Variants in LHFPL3 observed in about 807,000 individuals in gnomAD.
LHFPL3 encodes the protein LHFPL tetraspan subfamily member 3.
In LHFPL3, 5 loss-of-function variants were observed where a neutral mutation model predicts 19.3. That is an observed-to-expected ratio of 0.26 (90% CI 0.14 to 0.54). LHFPL3 has a LOEUF of 0.54. Among genes scored for constraint, LHFPL3 ranks in the 20% least tolerant of loss-of-function variants. The pLI is 0.94. For missense variants in LHFPL3, 249 were observed against 307.4 expected (o/e 0.81, Z 1.42); for synonymous variants, 133 against 126.2 (o/e 1.05, Z -0.36).
At chr7:104,529,315 C>A (rs1794247714) in intron 1 of LHFPL3, among the ~76,000 whole-genome samples, 1 of 152,194 alleles carries the variant, frequency 6.6e-6, no homozygotes, top group Non-Finnish European at 1.5e-5. Context: ...GCCCTGTATC[C>A]TCAGCTTCAT....
At chr7:104,538,415 G>A (rs984777193) in intron 1 of LHFPL3, among the ~76,000 whole-genome samples, 1 of 152,192 alleles carries the variant, frequency 6.6e-6, no homozygotes, top group Non-Finnish European at 1.5e-5. Context: ...GAGGTCTTAT[G>A]GGGCCATGAA....
chr7:104,704,990 C>T (rs994763985), intron 1 of LHFPL3, among the ~76,000 whole-genome samples: 13 of 152,194 alleles, frequency 8.5e-5, no homozygotes, highest in African/African-American at 3.1e-4. Flanking sequence ...TAATGTCCTA[C>T]TTCTTCTCCT....
At chr7:104,452,279 T>C (rs1048311348) in intron 1 of LHFPL3, among the ~76,000 whole-genome samples, 3 of 152,222 alleles carry the variant, frequency 2.0e-5, no homozygotes, top group Admixed American at 1.3e-4. Context: ...AAAATATCTG[T>C]ACTGTATATG....
chr7:104,526,895 C>G (rs1385240723), intron 1 of LHFPL3, among the ~76,000 whole-genome samples: 2 of 152,180 alleles, frequency 1.3e-5, no homozygotes, highest in Non-Finnish European at 2.9e-5. Flanking sequence ...GGTGCATACA[C>G]TCTAGTGGGG....
intron 2 of LHFPL3, among the ~76,000 whole-genome samples, chr7:104,869,611 G>A (rs1791793585): frequency 6.6e-6 from 1 of 152,040 alleles, no homozygotes; most frequent in Non-Finnish European, 1.5e-5. Context: ...GAGAGGATGT[G>A]GAGAAATAGG....
chr7:104,778,995 A>G (rs1251622237), intron 2 of LHFPL3, among the ~76,000 whole-genome samples: 2 of 152,128 alleles, frequency 1.3e-5, no homozygotes, highest in Non-Finnish European at 2.9e-5. Flanking sequence ...ACTCTTTAGG[A>G]TCTCATCGTT....
chr7:104,653,080 T>C (rs1792060521), intron 1 of LHFPL3, among the ~76,000 whole-genome samples: 1 of 152,102 alleles, frequency 6.6e-6, no homozygotes, highest in African/African-American at 2.4e-5. Flanking sequence ...GTTTCCCAGA[T>C]AGGAGCTTAA....
chr7:104,366,186 C>T (rs1790492805), intron 1 of LHFPL3, among the ~76,000 whole-genome samples: 1 of 152,128 alleles, frequency 6.6e-6, no homozygotes, highest in Non-Finnish European at 1.5e-5. Flanking sequence ...GTTTTGGACA[C>T]TCAGAGAACA....
intron 2 of LHFPL3, among the ~76,000 whole-genome samples, chr7:104,805,021 CCAG>C (rs1790328659): frequency 6.6e-6 from 1 of 152,198 alleles, no homozygotes; most frequent in Non-Finnish European, 1.5e-5. Flanking sequence ...CTCCCACCAG[CCAG>C]CACCCAGTGC....
chr7:104,577,642 C>T (rs1241812973), intron 1 of LHFPL3, among the ~76,000 whole-genome samples: 1 of 152,144 alleles, frequency 6.6e-6, no homozygotes, highest in Non-Finnish European at 1.5e-5. Context: ...CCTAGTGTCA[C>T]TCTGATATTG....
At chr7:104,440,439 A>G (rs1792202335) in intron 1 of LHFPL3, among the ~76,000 whole-genome samples, 1 of 151,310 alleles carries the variant, frequency 6.6e-6, no homozygotes, top group Admixed American at 6.6e-5. Flanking sequence ...GGGGAGGGAT[A>G]GCATTAGGAG....
intron 1 of LHFPL3, among the ~76,000 whole-genome samples, chr7:104,495,636 GC>G (rs1264280330): frequency 9.9e-5 from 15 of 152,220 alleles, no homozygotes; most frequent in Non-Finnish European, 1.5e-4. Flanking sequence ...GCCCGCCTTG[GC>G]CTCCCAAAGT....
intron 1 of LHFPL3, among the ~76,000 whole-genome samples, chr7:104,547,276 A>T (rs1794593581): frequency 6.7e-6 from 1 of 149,760 alleles, no homozygotes; most frequent in African/African-American, 2.4e-5. Context: ...AAAAAGAAAT[A>T]GTAGCTCAAA....
At chr7:104,329,360 G>A (rs890993747) in intron 1 of LHFPL3, 136 bp downstream of exon 1, 6 of 1,180,460 alleles carry the variant, frequency 5.1e-6, no homozygotes, top group Admixed American at 6.0e-5. Context: ...GTCGAGGTGT[G>A]GGGGGCGGGA....
In LHFPL3 at chr7:104,477,666, G is replaced by T. The variant is rs139845468; in HGVS notation, c.445+148442G>T. Among the ~76,000 whole-genome samples the T allele has an allele frequency of 4.1e-3, 618 of 152,138 alleles. 23 individuals are homozygous for T. The East Asian group carries it at 0.098, about 24-fold the overall frequency. ...ATTGGGTACTAGGTATAATACCTGG[G>T]TGATGAAATAATCTGTACAACAAAC... On this transcript the variant is annotated intron_variant, in intron 1 of 2. Transcript: ENST00000424859.
chr7:104,543,903 T>TATAATAATAATAATA (rs199906129), intron 1 of LHFPL3, among the ~76,000 whole-genome samples: 14 of 145,398 alleles, frequency 9.6e-5, no homozygotes, highest in African/African-American at 3.6e-4. Context: ...TACCCCAAAA[T>TATAATAATAATAATA]ATAATAATAA....
At chr7:104,718,510 G>A (rs568633159) in intron 1 of LHFPL3, among the ~76,000 whole-genome samples, 2 of 152,250 alleles carry the variant, frequency 1.3e-5, no homozygotes, top group East Asian at 3.9e-4. Flanking sequence ...AGAATTCCTG[G>A]CCTTGTCTAA....
At chr7:104,431,818 A>T (rs1005063373) in intron 1 of LHFPL3, among the ~76,000 whole-genome samples, 2 of 151,940 alleles carry the variant, frequency 1.3e-5, no homozygotes, top group African/African-American at 4.8e-5. Flanking sequence ...GAGATCATAA[A>T]CTCTTTCTGG....
intron 1 of LHFPL3, among the ~76,000 whole-genome samples, chr7:104,505,621 A>G (rs1256544782): frequency 1.3e-5 from 2 of 152,226 alleles, no homozygotes; most frequent in Non-Finnish European, 2.9e-5. Flanking sequence ...GAATATTGCA[A>G]TCAGTTAATT....
Sources: gnomAD v4.1 joint callset for allele counts (sites outside exome capture counted in the v4.1 genomes callset) on GRCh38, gnomAD v4.1.1 for gene constraint, MANE v1.5 for transcripts, NCBI Gene and HGNC (gene_info 2026-07-23, HGNC 2026-07-21) for gene names.